The following ITPKB variants were observed in gnomAD, a reference collection of about 807,000 sequenced individuals.
The protein encoded by ITPKB is IP3 3-kinase B.
In ITPKB, 13 loss-of-function variants were observed where a neutral mutation model predicts 69.4. The ratio of observed to expected loss-of-function variants is 0.19; its 90% CI spans 0.12 to 0.30. ITPKB has a LOEUF of 0.30. Ranked by LOEUF, ITPKB falls within the 10% of genes least tolerant of loss-of-function variation. The probability of loss-of-function intolerance (pLI) is 1.00; values close to 1 mark genes in which losing one functional copy is unlikely to be tolerated. For missense variants in ITPKB, 1,240 were observed against 1,250.5 expected, an observed-to-expected ratio of 0.99 and a Z score of 0.13; for synonymous variants, 584 against 513.7, an observed-to-expected ratio of 1.14 and a Z score of -1.85.
chr1:226,729,375 G>A (rs1009634291), intron 2 of ITPKB, among the ~76,000 whole-genome samples: 31 of 151,024 alleles, frequency 2.1e-4, no homozygotes, highest in African/African-American at 7.3e-4. Flanking sequence ...CCAGCTATTC[G>A]GAAGGCTGAG....
intron 2 of ITPKB, among the ~76,000 whole-genome samples, chr1:226,693,826 C>G (rs1005273748): frequency 1.3e-5 from 2 of 152,158 alleles, no homozygotes; most frequent in African/African-American, 4.8e-5. Context: ...CAAGTTTACT[C>G]AAAAAGCTCC....
intron 2 of ITPKB, among the ~76,000 whole-genome samples, chr1:226,695,457 G>T (rs112391497): frequency 2.4e-4 from 37 of 152,208 alleles, no homozygotes; most frequent in African/African-American, 8.9e-4. Context: ...TGGCAAAGGG[G>T]GTTGGTTAAC....
intron 6 of ITPKB, 93 bp downstream of exon 6, chr1:226,639,464 G>A (rs1668907554): frequency 5.9e-6 from 5 of 845,770 alleles, no homozygotes; most frequent in Non-Finnish European, 8.2e-6. Context: ...GTCCCTGGGG[G>A]TGCCTTGTCC....
chr1:226,639,402 C>T (rs1668905856), intron 6 of ITPKB, among the ~76,000 whole-genome samples, 155 bp downstream of exon 6: 1 of 152,202 alleles, frequency 6.6e-6, no homozygotes, highest in Non-Finnish European at 1.5e-5. Context: ...CCACAAAAGT[C>T]TCTGCCAGTG....
chr1:226,642,141 G>A lies in ITPKB; in HGVS notation c.2247-16C>T, dbSNP rs1668975405. ...CAGGTAGGTCCTACGTGGGAGGGAAGGCGACATGAGGGCCGAGGCCTGGGG... is the reference window on the plus strand; with the variant it reads ...CAGGTAGGTCCTACGTGGGAGGGAAAGCGACATGAGGGCCGAGGCCTGGGG... On this transcript the variant is annotated splice_polypyrimidine_tract_variant and intron_variant, in intron 4 of 7. Coordinates refer to ENST00000429204, the MANE Select transcript of ITPKB (RefSeq NM_002221.4). This position sits in a 1 kb window ranked among gnomAD's most constrained non-coding sequence, Gnocchi z 6.4. The A allele has an allele frequency of 6.2e-7, 1 of 1,605,842 alleles. No homozygotes were observed. Among genetic ancestry groups the A allele is most frequent in the Non-Finnish European group, 8.5e-7 (1 of 1,175,278 alleles).
At chr1:226,715,757 C>T (rs1275696756) in intron 2 of ITPKB, among the ~76,000 whole-genome samples, 1 of 152,154 alleles carries the variant, frequency 6.6e-6, no homozygotes. Context: ...CATTTGAAAC[C>T]TTCAAAACGT....
chr1:226,641,932 C>T lies in ITPKB; in HGVS notation c.2440G>A (p.Glu814Lys). ...SSTATLGFRI[E>K]GIKKEDGTVN... is the part of the protein sequence containing the mutation. The stretch of plus-strand genomic sequence containing the variant: ...CTCGCCGGCCTCACCTTGATTCCCT[C>T]GATCCTGAACCCCAGGGTGGCCGTG... Residue 814 changes from glutamate (E) to lysine (K), a missense_variant, in exon 5 of 8, where the codon GAG becomes AAG. By Grantham distance (56) the Glu-to-Lys change is moderately conservative (BLOSUM62 1). Coordinates refer to ENST00000429204, the MANE Select transcript of ITPKB (RefSeq NM_002221.4). The surrounding 1 kb of genome is among the most constrained non-coding windows in gnomAD (Gnocchi z 4.6). 6.2e-7 allele frequency: 1 copy of T among 1,613,474 alleles called. No individual in the cohort carries two copies. Among genetic ancestry groups the T allele is most frequent in the Non-Finnish European group, 8.5e-7 (1 of 1,179,664 alleles).
At chr1:226,702,209 A>C (rs1042745634) in intron 2 of ITPKB, among the ~76,000 whole-genome samples, 12 of 152,140 alleles carry the variant, frequency 7.9e-5, no homozygotes, top group Non-Finnish European at 1.8e-4. Context: ...CAGCCTGGCC[A>C]ACATGGCAAA....
At chr1:226,669,503 A>G (rs963214973) in intron 2 of ITPKB, among the ~76,000 whole-genome samples, 2 of 152,240 alleles carry the variant, frequency 1.3e-5, no homozygotes, top group African/African-American at 4.8e-5. Context: ...GTCTTCTGGA[A>G]TAACAAAGCC....
At chr1:226,681,048 C>A (rs1016839400) in intron 2 of ITPKB, among the ~76,000 whole-genome samples, 1 of 152,210 alleles carries the variant, frequency 6.6e-6, no homozygotes, top group African/African-American at 2.4e-5. Flanking sequence ...CCTCCCCTCA[C>A]CTGGCAAAAA....
At chr1:226,733,452 G>A (rs939717500) in intron 2 of ITPKB, among the ~76,000 whole-genome samples, 6 of 152,092 alleles carry the variant, frequency 3.9e-5, no homozygotes, top group African/African-American at 1.4e-4. Flanking sequence ...TCACAGATAA[G>A]GCTCCAGCGT....
chr1:226,688,090 G>T lies in ITPKB; in HGVS notation c.1933-39319C>A, dbSNP rs371816268. On this transcript the variant is annotated intron_variant, in intron 2 of 7. Coordinates refer to ENST00000429204, the MANE Select transcript of ITPKB (RefSeq NM_002221.4). ...ACCAAGTCTCAGGCCCAAGCCTCTGGCAAGAAAAAACAAATGGGCTTAGCA... is the reference window on the plus strand; with the variant it reads ...ACCAAGTCTCAGGCCCAAGCCTCTGTCAAGAAAAAACAAATGGGCTTAGCA... 2.6e-5 allele frequency among the ~76,000 whole-genome samples: 4 copies of T among 152,170 alleles called. No homozygotes were observed. In the East Asian group the frequency reaches 7.7e-4, roughly 29 times the overall value.
chr1:226,735,650 G>C lies in ITPKB; in HGVS notation c.1809C>G (p.Ala603=). The C allele has an allele frequency of 6.2e-7, 1 of 1,612,112 alleles. No homozygotes were observed. The change falls in exon 2 of 8, where the codon GCC becomes GCG. Residue 603 remains alanine (A), a synonymous_variant. Coordinates refer to ENST00000429204, the MANE Select transcript of ITPKB (RefSeq NM_002221.4). ...AGGATGAGGAGAAGCCCGTGGAGGA[G>C]GCCGAGGAAGAGGACAGTTTCCTCA... ...LPLRKLSSSS[A]SSTGFSSSYE... is the part of the protein sequence containing the mutation.
At chr1:226,673,760 C>T (rs1233891772) in intron 2 of ITPKB, among the ~76,000 whole-genome samples, 2 of 152,226 alleles carry the variant, frequency 1.3e-5, no homozygotes, top group African/African-American at 4.8e-5. Context: ...GCTTTATTAT[C>T]TATCTCCACA....
At chr1:226,673,207 C>G (rs1373890944) in intron 2 of ITPKB, among the ~76,000 whole-genome samples, 2 of 151,526 alleles carry the variant, frequency 1.3e-5, no homozygotes, top group African/African-American at 4.9e-5. Context: ...CCCCTTGTCT[C>G]TATAAAAAAC....
chr1:226,730,817 G>A (rs908844279), intron 2 of ITPKB, among the ~76,000 whole-genome samples: 1 of 152,226 alleles, frequency 6.6e-6, no homozygotes, highest in Non-Finnish European at 1.5e-5. Context: ...ATCTGGAACT[G>A]CATTTAACAG....
Position 226,738,159 on chromosome 1 carries a change from C to G in ITPKB, c.-205-496G>C, listed in dbSNP as rs138085520. Among the ~76,000 whole-genome samples, 1,038 of 152,272 alleles carry G rather than the reference C, an allele frequency of 6.8e-3. 8 individuals carry two copies. The highest frequency in any genetic ancestry group is 0.012 in the Non-Finnish European group (826 of 68,002). On this transcript the variant is annotated intron_variant, in intron 1 of 7. Coordinates refer to ENST00000429204, the MANE Select transcript of ITPKB (RefSeq NM_002221.4). This position sits in a 1 kb window ranked among gnomAD's most constrained non-coding sequence, Gnocchi z 4.2. ...CCCTCTCGGGGCATCAGAGACCGAC[C>G]GGCTCGGAGGGAACCTAAGCGGGAC...
At chr1:226,681,948 G>A (rs143956466) in intron 2 of ITPKB, among the ~76,000 whole-genome samples, 1 of 152,314 alleles carries the variant, frequency 6.6e-6, no homozygotes, top group East Asian at 1.9e-4. Context: ...TCAGAGCTAT[G>A]TGGAAGCAGT....
chr1:226,639,805 C>A (rs769510917), intron 5 of ITPKB, 147 bp from the exon 6 acceptor site: 3 of 659,908 alleles, frequency 4.5e-6, no homozygotes, highest in Non-Finnish European at 5.5e-6. Flanking sequence ...CCACGTATGG[C>A]GCATGGAGGT....
Sources: allele counts gnomAD v4.1 joint callset (sites outside exome capture counted in the v4.1 genomes callset), GRCh38; gene constraint gnomAD v4.1.1; non-coding constraint Gnocchi (gnomAD v3.1); transcripts MANE v1.5; gene names NCBI Gene and HGNC (gene_info 2026-07-23, HGNC 2026-07-21).